The following CAMK2A variants were observed in gnomAD, a reference collection of about 807,000 sequenced individuals.
The protein encoded by CAMK2A is calcium/calmodulin-dependent protein kinase type II subunit alpha.
In CAMK2A, 7 loss-of-function variants were observed where a neutral mutation model predicts 79.2. The ratio of observed to expected loss-of-function variants is 0.09; its 90% CI spans 0.05 to 0.17. The LOEUF (loss-of-function observed/expected upper bound fraction) is 0.17. Ranked by LOEUF, CAMK2A falls within the 10% of genes least tolerant of loss-of-function variation. The pLI is 1.00. For missense variants in CAMK2A, 214 were observed against 646.4 expected, an observed-to-expected ratio of 0.33 and a Z score of 7.25; for synonymous variants, 242 against 251.7, an observed-to-expected ratio of 0.96 and a Z score of 0.36.
At chr5:150,251,664 G>A in intron 9 of CAMK2A, 86 bp downstream of exon 9, 1 of 1,039,506 alleles carries the variant, frequency 9.6e-7, no homozygotes, top group Non-Finnish European at 1.4e-6. Context: ...TCACCCCTGT[G>A]CCAGAACTAG....
At chr5:150,239,815 G>T in intron 13 of CAMK2A, 79 bp from the exon 14 acceptor site, 1 of 1,256,652 alleles carries the variant, frequency 8.0e-7, no homozygotes, top group East Asian at 2.3e-5. Flanking sequence ...CGACAGGGGA[G>T]GTTTGGGAGG....
At position 150,258,664 on chromosome 5, in the gene CAMK2A, G is replaced by T. The variant is rs559083022; in HGVS notation, c.218-1047C>A. 6.6e-5 allele frequency among the ~76,000 whole-genome samples: 10 copies of T among 152,306 alleles called. 2 individuals carry two copies. The highest frequency in any genetic ancestry group is 2.4e-4 in the African/African-American group (10 of 41,560). ...TGGGGAGGGGAATTGGGGGAGTTGG[G>T]TCATGAGAGGAGACTCACTTTTCAC... On this transcript the variant is annotated intron_variant, in intron 3 of 18. Transcript: ENST00000671881.
At chr5:150,259,483 C>G (rs992300417) in intron 3 of CAMK2A, among the ~76,000 whole-genome samples, 1 of 152,084 alleles carries the variant, frequency 6.6e-6, no homozygotes, top group African/African-American at 2.4e-5. Flanking sequence ...GATTGCCCCA[C>G]TGCATTCCAG....
At chr5:150,272,618 C>T (rs36085208) in intron 2 of CAMK2A, among the ~76,000 whole-genome samples, 29 of 151,234 alleles carry the variant, frequency 1.9e-4, no homozygotes, top group Non-Finnish European at 3.8e-4. Context: ...ATGGAGGAGG[C>T]CTCATCAGAT....
intron 17 of CAMK2A, among the ~76,000 whole-genome samples, chr5:150,224,043 G>A (rs1754479488): frequency 6.6e-6 from 1 of 152,182 alleles, no homozygotes; most frequent in South Asian, 2.1e-4. Context: ...TGGTCATGGG[G>A]TGAGGTCATG....
At chr5:150,289,310 C>G (rs1229744183) in intron 1 of CAMK2A, among the ~76,000 whole-genome samples, 2 of 152,222 alleles carry the variant, frequency 1.3e-5, no homozygotes, top group Non-Finnish European at 2.9e-5. Context: ...TGTGTGTGCA[C>G]TGGCATACAC....
At chr5:150,231,648 C>T (rs1213279991) in intron 15 of CAMK2A, among the ~76,000 whole-genome samples, 10 of 149,180 alleles carry the variant, frequency 6.7e-5, no homozygotes, top group Non-Finnish European at 1.3e-4. Context: ...AGTTCCTCAA[C>T]TACAAAGGCC....
intron 2 of CAMK2A, among the ~76,000 whole-genome samples, chr5:150,270,153 C>A (rs73268732): frequency 0.033 from 4,984 of 152,260 alleles, 273 homozygotes; most frequent in African/African-American, 0.11. Context: ...TAACACTGAG[C>A]CTGTATTATT....
In CAMK2A at chr5:150,222,592, G is replaced by A. The variant is rs141071420; in HGVS notation, c.*118C>T. On this transcript the variant is annotated 3_prime_UTR_variant, in exon 19 of 19. Coordinates refer to ENST00000671881, the MANE Select transcript of CAMK2A (RefSeq NM_015981.4). The stretch of plus-strand genomic sequence containing the variant: ...TTGATGCAGGTACAGAAGTGACGGT[G>A]GTGGGGTGATGACATGGGAGAATTC... The A allele has an allele frequency of 2.5e-4, 278 of 1,097,292 alleles. 3 individuals are homozygous for A. In the East Asian group the frequency reaches 6.6e-3, roughly 26 times the overall value. The allele number at this position is 1,097,292 out of a possible 1,614,324, so 68.0% of individuals were successfully genotyped here.
At chr5:150,224,699 G>C (rs7711408) in intron 17 of CAMK2A, among the ~76,000 whole-genome samples, 94,614 of 151,702 alleles carry the variant, frequency 0.62, 29,988 homozygotes, top group African/African-American at 0.74. Context: ...CCCAGCAGCC[G>C]AACTATAGAA....
intron 3 of CAMK2A, among the ~76,000 whole-genome samples, chr5:150,263,038 AG>A (rs1756360680): frequency 1.3e-5 from 2 of 152,298 alleles, no homozygotes; most frequent in African/African-American, 4.8e-5. Context: ...GTTGGGGAAG[AG>A]GGGGGCAGCT....
In CAMK2A at chr5:150,264,837, C is replaced by T; in HGVS notation, c.217+119G>A. On this transcript the variant is annotated intron_variant, in intron 3 of 18. Coordinates refer to ENST00000671881, the MANE Select transcript of CAMK2A (RefSeq NM_015981.4). Reference sequence around the variant, plus strand: ...ACGCCCCCTTTCCCATCTCTGCTGCCTCCATCCCCAGAGAAGAGAGCAGCT... The same window carrying T: ...ACGCCCCCTTTCCCATCTCTGCTGCTTCCATCCCCAGAGAAGAGAGCAGCT... 3 of 752,368 alleles carry T rather than the reference C, an allele frequency of 4.0e-6. 1 individual carries two copies. Among genetic ancestry groups the T allele is most frequent in the Non-Finnish European group, 7.2e-6 (3 of 415,098 alleles). The allele number at this position is 752,368 out of a possible 1,614,324, so 46.6% of individuals were successfully genotyped here.
In CAMK2A at chr5:150,258,133, T is replaced by C. The variant is rs566824398; in HGVS notation, c.218-516A>G. On this transcript the variant is annotated intron_variant, in intron 3 of 18. Transcript: ENST00000671881. ...TGCTCTGCTCCCAAGTCTGAGGAGA[T>C]AATGGAGCATGGAGGCCAGAGGCAG... is the stretch of plus-strand genomic sequence containing the variant. Among the ~76,000 whole-genome samples, 16 of 152,290 alleles carry C rather than the reference T, an allele frequency of 1.1e-4. No individual in the cohort carries two copies. In the South Asian group the frequency reaches 2.1e-3, roughly 20 times the overall value.
intron 6 of CAMK2A, among the ~76,000 whole-genome samples, chr5:150,255,201 C>G (rs1016665117): frequency 3.3e-5 from 5 of 152,236 alleles, no homozygotes; most frequent in African/African-American, 4.8e-5. Context: ...GGGGCTGCAG[C>G]TATAATGGGA....
chr5:150,234,593 C>T (rs1754985864), intron 15 of CAMK2A, among the ~76,000 whole-genome samples: 2 of 152,170 alleles, frequency 1.3e-5, no homozygotes, highest in African/African-American at 4.8e-5. Context: ...GTAAAGGATG[C>T]TGCATTATGT....
intron 15 of CAMK2A, among the ~76,000 whole-genome samples, chr5:150,234,382 A>T (rs1754976865): frequency 6.6e-6 from 1 of 152,126 alleles, no homozygotes. Flanking sequence ...TATGCCACTT[A>T]CTTAATAGCT....
In CAMK2A at chr5:150,273,417, C is replaced by G. The variant is rs189649674; in HGVS notation, c.63-258G>C. Among the ~76,000 whole-genome samples the G allele has an allele frequency of 3.3e-4, 50 of 152,340 alleles. No homozygotes were observed. In the Middle Eastern group the frequency reaches 0.01, roughly 31 times the overall value. The stretch of plus-strand genomic sequence containing the variant: ...CCAACGTCATCAAAGTCGGGCTCAT[C>G]ATGCTGTAAAACATTAGAATCACGT... On this transcript the variant is annotated intron_variant, in intron 1 of 18. Coordinates refer to ENST00000671881, the MANE Select transcript of CAMK2A (RefSeq NM_015981.4).
intron 13 of CAMK2A, among the ~76,000 whole-genome samples, chr5:150,240,884 C>A (rs529377765): frequency 8.3e-4 from 126 of 152,332 alleles, no homozygotes; most frequent in African/African-American, 2.9e-3. Context: ...CCTCTCCCTG[C>A]TGGAAAGAAG....
intron 17 of CAMK2A, among the ~76,000 whole-genome samples, chr5:150,227,091 A>G (rs1022337876): frequency 1.3e-5 from 2 of 152,174 alleles, no homozygotes; most frequent in Admixed American, 6.5e-5. Context: ...TTTTAAAAGA[A>G]AACTTATTGA....
Sources: gnomAD v4.1 joint callset for allele counts (sites outside exome capture counted in the v4.1 genomes callset) on GRCh38, gnomAD v4.1.1 for gene constraint, MANE v1.5 for transcripts, NCBI Gene and HGNC (gene_info 2026-07-23, HGNC 2026-07-21) for gene names.